The following RAB11FIP3 variants were observed in gnomAD, a reference collection of about 807,000 sequenced individuals.
The protein encoded by RAB11FIP3 is rab11 family-interacting protein 3.
In RAB11FIP3, 17 loss-of-function variants were observed where a neutral mutation model predicts 77.8. That is an observed-to-expected ratio of 0.22 (90% CI 0.15 to 0.33). The LOEUF is 0.33. RAB11FIP3 is among the 10% of genes least tolerant of loss of function. RAB11FIP3 has a pLI of 1.00. For synonymous variants in RAB11FIP3, 437 were observed against 448.2 expected (o/e 0.98, Z 0.31); for missense variants, 1,005 against 1,011.2 (o/e 0.99, Z 0.08).
chr16:426,867 C>G lies in RAB11FIP3; in HGVS notation c.714+147C>G. 3.6e-6 allele frequency: 2 copies of G among 548,256 alleles called. No individual in the cohort carries two copies. The highest frequency in any genetic ancestry group is 6.0e-6 in the Non-Finnish European group (2 of 334,570). The allele number at this position is 548,256 out of a possible 1,614,324, so 34.0% of individuals were successfully genotyped here. A position where few individuals can be genotyped will look rare whatever the true frequency, so the allele number is the denominator to read the frequency against. On this transcript the variant is annotated intron_variant, in intron 1 of 13. Transcript: ENST00000262305. The surrounding 1 kb of genome is among the most constrained non-coding windows in gnomAD (Gnocchi z 5.0). Reference sequence around the variant, plus strand: ...TCCTGCTTTTTCTGCTTATTCACCACTTCGGCCCTGGATTTCTGGTTGAAT... The same window carrying G: ...TCCTGCTTTTTCTGCTTATTCACCAGTTCGGCCCTGGATTTCTGGTTGAAT...
intron 4 of RAB11FIP3, among the ~76,000 whole-genome samples, chr16:488,538 AC>A (rs939223353): frequency 1.3e-5 from 2 of 151,996 alleles, no homozygotes; most frequent in African/African-American, 4.8e-5. Context: ...CCTCCCGAGT[AC>A]CTGGGACTAC....
rs1182186256 is a variant in RAB11FIP3, at chr16:448,802, C to A, written c.715-12602C>A. 2.0e-5 allele frequency among the ~76,000 whole-genome samples: 3 copies of A among 150,812 alleles called. No homozygotes were observed. The East Asian group carries it at 5.8e-4, about 29-fold the overall frequency. On this transcript the variant is annotated intron_variant, in intron 1 of 13. Coordinates refer to ENST00000262305, the MANE Select transcript of RAB11FIP3 (RefSeq NM_014700.4). ...TGGTGGTGCATGCCTGTAATCCCAG[C>A]TACTCGGGAGGCTGAAGCAGGAGAA...
intron 6 of RAB11FIP3, 144 bp downstream of exon 6, chr16:497,003 A>G (rs2031194763): frequency 1.1e-6 from 1 of 885,790 alleles, no homozygotes; most frequent in Non-Finnish European, 1.7e-6. Context: ...GGCTGAAGGT[A>G]TCCTGAAGGA....
Position 426,244 on chromosome 16 carries a change from G to C in RAB11FIP3, c.238G>C (p.Gly80Arg). The part of the protein sequence containing the change: ...WSAGPAPGLE[G>R]GPRDPGPSAP... ...CGCCGGGCCGGCCCCGGGGCTGGAGGGAGGCCCGCGAGACCCCGGGCCGTC... is the reference window on the plus strand; with the variant it reads ...CGCCGGGCCGGCCCCGGGGCTGGAGCGAGGCCCGCGAGACCCCGGGCCGTC... The change falls in exon 1 of 14, where the codon GGA becomes CGA. Residue 80 changes from glycine (G) to arginine (R), a missense_variant. Gly to Arg is a moderately radical substitution (Grantham distance 125). Transcript: ENST00000262305. This position sits in a 1 kb window ranked among gnomAD's most constrained non-coding sequence, Gnocchi z 5.0. 1 of 1,105,540 alleles carries C rather than the reference G, an allele frequency of 9.0e-7. No homozygotes were observed. The highest frequency in any genetic ancestry group is 5.3e-5 in the East Asian group (1 of 18,918). 68.5% of individuals were successfully genotyped at this position (1,105,540 alleles called of 1,614,324 possible). A position where few individuals can be genotyped will look rare whatever the true frequency, so the allele number is the denominator to read the frequency against.
At chr16:492,452 C>CCCCCCCGGGAGACCCGAGGCCGCCCAGAG (rs2030549295) in intron 5 of RAB11FIP3, among the ~76,000 whole-genome samples, 1 of 129,388 alleles carries the variant, frequency 7.7e-6, no homozygotes, top group African/African-American at 3.3e-5. Context: ...CCGCCCAGGG[C>CCCCCCCGGGAGACCCGAGGCCGCCCAGAG]CCTTCCCGGG....
rs556720361 is a variant in RAB11FIP3, at chr16:506,881, G to A, written c.1499+1254G>A. 3.2e-4 allele frequency among the ~76,000 whole-genome samples: 49 copies of A among 152,308 alleles called. No homozygotes were observed. The highest frequency in any genetic ancestry group is 6.7e-4 in the African/African-American group (28 of 41,574). On this transcript the variant is annotated intron_variant, in intron 8 of 13. Coordinates refer to ENST00000262305, the MANE Select transcript of RAB11FIP3 (RefSeq NM_014700.4). The surrounding 1 kb of genome is among the most constrained non-coding windows in gnomAD (Gnocchi z 4.5). ...ATGCTGGTGAAGGGGCTGGACTCCCGTAGTGCGCTACACATAAGCAGTGCC... is the reference window on the plus strand; with the variant it reads ...ATGCTGGTGAAGGGGCTGGACTCCCATAGTGCGCTACACATAAGCAGTGCC...
In RAB11FIP3 at chr16:425,782, C is replaced by T. The variant is rs1231195992; in HGVS notation, c.-225C>T. On this transcript the variant is annotated 5_prime_UTR_variant, in exon 1 of 14. Transcript: ENST00000262305. ...ATCCTCGCCGCCCTCCCTAGGCCGC[C>T]CCGCCGCCATGGGCCTGCGCCCGCC... is the stretch of plus-strand genomic sequence containing the variant. The T allele has an allele frequency of 3.0e-6, 1 of 336,878 alleles. No individual in the cohort carries two copies. Among genetic ancestry groups the T allele is most frequent in the East Asian group, 4.5e-5 (1 of 22,326 alleles). 20.9% of individuals were successfully genotyped at this position (336,878 alleles called of 1,614,324 possible).
At chr16:443,368 C>T (rs113490516) in intron 1 of RAB11FIP3, among the ~76,000 whole-genome samples, 3 of 152,190 alleles carry the variant, frequency 2.0e-5, no homozygotes, top group Non-Finnish European at 1.5e-5. Context: ...AAAATAATAA[C>T]TTGCAAATAA....
intron 2 of RAB11FIP3, among the ~76,000 whole-genome samples, chr16:465,776 A>AT (rs947524863): frequency 1.2e-4 from 18 of 152,038 alleles, no homozygotes; most frequent in African/African-American, 3.9e-4. Context: ...CACCTGGCCA[A>AT]TTTTTTGTGT....
At chr16:495,266 C>G (rs1394238970) in intron 5 of RAB11FIP3, among the ~76,000 whole-genome samples, 1 of 151,668 alleles carries the variant, frequency 6.6e-6, no homozygotes, top group African/African-American at 2.4e-5. Context: ...CAGCCGCCAC[C>G]CAGGGCCGGG....
intron 9 of RAB11FIP3, among the ~76,000 whole-genome samples, chr16:511,736 G>A (rs1444665771): frequency 1.0e-5 from 1 of 96,284 alleles, no homozygotes; most frequent in Non-Finnish European, 1.8e-5. Flanking sequence ...AGAGGTTCTT[G>A]ACAGACCGCC....
At chr16:435,831 G>A (rs189829390) in intron 1 of RAB11FIP3, among the ~76,000 whole-genome samples, 63 of 152,172 alleles carry the variant, frequency 4.1e-4, no homozygotes, top group African/African-American at 1.4e-3. Flanking sequence ...CTTCATTAAG[G>A]TTCATATAAA....
In RAB11FIP3 at chr16:426,810, G is replaced by T; in HGVS notation, c.714+90G>T. 4 of 1,122,100 alleles carry T rather than the reference G, an allele frequency of 3.6e-6. No homozygotes were observed. Among genetic ancestry groups the T allele is most frequent in the Non-Finnish European group, 4.9e-6 (4 of 815,864 alleles). The allele number at this position is 1,122,100 out of a possible 1,614,324, so 69.5% of individuals were successfully genotyped here. A position where few individuals can be genotyped will look rare whatever the true frequency, so the allele number is the denominator to read the frequency against. Reference sequence around the variant, plus strand: ...GTGGGACCGGTCGACGCTGCCCCTGGAGTCGGGAAAGGCACTGTCAAGACC... The same window carrying T: ...GTGGGACCGGTCGACGCTGCCCCTGTAGTCGGGAAAGGCACTGTCAAGACC... On this transcript the variant is annotated intron_variant, in intron 1 of 13. Coordinates refer to ENST00000262305, the MANE Select transcript of RAB11FIP3 (RefSeq NM_014700.4). The surrounding 1 kb of genome is among the most constrained non-coding windows in gnomAD (Gnocchi z 5.0).
At chr16:491,316 G>T (rs752807046) in intron 5 of RAB11FIP3, 1 of 1,285,756 alleles carries the variant, frequency 7.8e-7, no homozygotes. Flanking sequence ...GGGTGTGGGG[G>T]ACTCCGGATA....
At chr16:428,009 G>T (rs1181071356) in intron 1 of RAB11FIP3, among the ~76,000 whole-genome samples, 2 of 151,926 alleles carry the variant, frequency 1.3e-5, no homozygotes, top group Non-Finnish European at 2.9e-5. Flanking sequence ...GCTGAGGCAG[G>T]AGAATGGCGT....
At chr16:450,541 G>A (rs1206258839) in intron 1 of RAB11FIP3, among the ~76,000 whole-genome samples, 1 of 152,128 alleles carries the variant, frequency 6.6e-6, no homozygotes, top group Non-Finnish European at 1.5e-5. Flanking sequence ...AGGGGTCTAG[G>A]TCTGAGTCAG....
Position 472,805 on chromosome 16 carries a change from A to C in RAB11FIP3, c.903+1416A>C, listed in dbSNP as rs1330114846. Reference sequence around the variant, plus strand: ...AGCTGTGGATGTGGCCTTATTTGGAAAAAGGGTCTTTGCGGATGTAGTTCA... The same window carrying C: ...AGCTGTGGATGTGGCCTTATTTGGACAAAGGGTCTTTGCGGATGTAGTTCA... On this transcript the variant is annotated intron_variant, in intron 3 of 13. Transcript: ENST00000262305. The surrounding 1 kb of genome is among the most constrained non-coding windows in gnomAD (Gnocchi z 4.1). 6.6e-6 allele frequency among the ~76,000 whole-genome samples: 1 copy of C among 152,218 alleles called. No homozygotes were observed. Among genetic ancestry groups the C allele is most frequent in the African/African-American group, 2.4e-5 (1 of 41,452 alleles).
Position 460,754 on chromosome 16 carries a change from A to C in RAB11FIP3, c.715-650A>C, listed in dbSNP as rs1260038002. ...GGATCCTTGCCGGAACAATACCTAA[A>C]ACTTCAGAACTGATCTCCCCACGTA... is the stretch of plus-strand genomic sequence containing the variant. On this transcript the variant is annotated intron_variant, in intron 1 of 13. Coordinates refer to ENST00000262305, the MANE Select transcript of RAB11FIP3 (RefSeq NM_014700.4). Among the ~76,000 whole-genome samples, 16 of 152,096 alleles carry C rather than the reference A, an allele frequency of 1.1e-4. No individual in the cohort carries two copies. The East Asian group carries it at 3.1e-3, about 29-fold the overall frequency.
At chr16:434,482 A>G (rs1457717155) in intron 1 of RAB11FIP3, among the ~76,000 whole-genome samples, 2 of 151,648 alleles carry the variant, frequency 1.3e-5, no homozygotes, top group African/African-American at 2.4e-5. Flanking sequence ...GCTGGAGTGC[A>G]GTGGTGCAAT....
Sources: gnomAD v4.1 joint callset for allele counts (sites outside exome capture counted in the v4.1 genomes callset) on GRCh38, gnomAD v4.1.1 for gene constraint, Gnocchi (gnomAD v3.1) non-coding constraint, MANE v1.5 for transcripts, NCBI Gene and HGNC (gene_info 2026-07-23, HGNC 2026-07-21) for gene names.